The following C12orf56 variants were observed in gnomAD, a reference collection of about 807,000 sequenced individuals.
C12orf56 encodes the protein uncharacterized protein C12orf56.
A neutral mutation model predicts 69.9 loss-of-function variants in C12orf56; 71 were observed. The observed-to-expected ratio is 1.02, with a 90% CI of 0.84 to 1.24. C12orf56 has a LOEUF of 1.24. Ranked by LOEUF, C12orf56 falls within the 50% of genes most tolerant of loss-of-function variation. The pLI, the probability that C12orf56 is intolerant of heterozygous loss-of-function variation, is 0.00. For synonymous variants in C12orf56, 276 were observed against 274.1 expected (o/e 1.01, Z -0.07); for missense variants, 732 against 738.5 (o/e 0.99, Z 0.10).
chr12:64,312,653 C>T (rs1046880816), intron 5 of C12orf56, 26 bp downstream of exon 5: 8 of 1,496,524 alleles, frequency 5.3e-6, no homozygotes, highest in Non-Finnish European at 6.3e-6. Flanking sequence ...CCCCATGCAA[C>T]TCTATCATAC....
chr12:64,334,503 A>C (rs1422179245), intron 2 of C12orf56, among the ~76,000 whole-genome samples: 1 of 152,174 alleles, frequency 6.6e-6, no homozygotes, highest in Non-Finnish European at 1.5e-5. Flanking sequence ...ACTTTAAATA[A>C]TCTCTAGATT....
Position 64,307,657 on chromosome 12 carries a change from C to A in C12orf56, c.969-3878G>T, listed in dbSNP as rs995250134. Among the ~76,000 whole-genome samples, 3 of 152,196 alleles carry A rather than the reference C, an allele frequency of 2.0e-5. No homozygotes were observed. In the East Asian group the frequency reaches 5.8e-4, roughly 29 times the overall value. The stretch of plus-strand genomic sequence containing the variant: ...GTGCTGGGATTACAGGCGTGAGCCA[C>A]CTCGCCCGGCCAGACTCAGACCATT... On this transcript the variant is annotated intron_variant, in intron 5 of 12. Transcript: ENST00000543942.
At chr12:64,363,620 G>C (rs74614964) in intron 1 of C12orf56, among the ~76,000 whole-genome samples, 4,177 of 152,208 alleles carry the variant, frequency 0.027, 198 homozygotes, top group African/African-American at 0.096. Flanking sequence ...TCTCAATGCC[G>C]TGCCACCTAT....
At chr12:64,323,417 T>A (rs7303583) in intron 3 of C12orf56, among the ~76,000 whole-genome samples, 13 of 152,344 alleles carry the variant, frequency 8.5e-5, no homozygotes, top group African/African-American at 3.1e-4. Context: ...TTTCCATTTC[T>A]AAATATATCT....
intron 1 of C12orf56, among the ~76,000 whole-genome samples, chr12:64,375,310 C>T (rs1010929529): frequency 1.2e-4 from 18 of 151,884 alleles, no homozygotes; most frequent in African/African-American, 3.4e-4. Context: ...CTGCTTCTGC[C>T]TCCCAAAGTG....
intron 2 of C12orf56, among the ~76,000 whole-genome samples, chr12:64,336,087 G>A (rs781729630): frequency 6.6e-6 from 1 of 152,178 alleles, no homozygotes; most frequent in African/African-American, 2.4e-5. Flanking sequence ...TCTCTGAGGT[G>A]AACCACTGGG....
At chr12:64,286,430 G>A (rs2038202556) in intron 6 of C12orf56, among the ~76,000 whole-genome samples, 1 of 152,204 alleles carries the variant, frequency 6.6e-6, no homozygotes, top group African/African-American at 2.4e-5. Flanking sequence ...TGGCCTTTGT[G>A]AGGATATAAT....
chr12:64,369,385 A>G (rs1166316329), intron 1 of C12orf56, among the ~76,000 whole-genome samples: 2 of 152,050 alleles, frequency 1.3e-5, no homozygotes, highest in Non-Finnish European at 2.9e-5. Context: ...TTTAGTAGAG[A>G]CAGGGTTTCG....
intron 2 of C12orf56, among the ~76,000 whole-genome samples, chr12:64,342,557 G>A (rs893726860): frequency 1.3e-5 from 2 of 152,196 alleles, no homozygotes; most frequent in South Asian, 2.1e-4. Context: ...ACTTCCTCAT[G>A]TAACTTACTT....
chr12:64,320,220 G>C (rs2038753905), intron 3 of C12orf56, among the ~76,000 whole-genome samples: 1 of 152,188 alleles, frequency 6.6e-6, no homozygotes, highest in South Asian at 2.1e-4. Context: ...CATAGCCCAA[G>C]ATTCCATTCC....
chr12:64,366,062 CTTGTATAATATATAGT>C (rs1344507427), intron 1 of C12orf56, among the ~76,000 whole-genome samples: 11 of 80,386 alleles, frequency 1.4e-4, no homozygotes, highest in Admixed American at 1.6e-4. Context: ...TAATATATAG[CTTGTATAATATATAGT>C]TTGTATAATA....
intron 6 of C12orf56, among the ~76,000 whole-genome samples, chr12:64,297,586 A>G (rs1056296124): frequency 8.6e-5 from 13 of 152,012 alleles, no homozygotes; most frequent in African/African-American, 2.7e-4. Flanking sequence ...CCCTGTGTCC[A>G]TGTGTTCTCA....
intron 1 of C12orf56, among the ~76,000 whole-genome samples, chr12:64,354,039 T>G (rs2039271374): frequency 6.6e-6 from 1 of 152,196 alleles, no homozygotes; most frequent in Admixed American, 6.5e-5. Context: ...AATTAATTGA[T>G]TTTACACTAA....
intron 3 of C12orf56, among the ~76,000 whole-genome samples, chr12:64,327,761 A>G (rs1048592570): frequency 8.5e-5 from 13 of 152,364 alleles, no homozygotes; most frequent in Non-Finnish European, 1.6e-4. Context: ...AATAGAACAC[A>G]TTAGACAATT....
At chr12:64,368,402 A>C (rs1191892935) in intron 1 of C12orf56, among the ~76,000 whole-genome samples, 1 of 152,050 alleles carries the variant, frequency 6.6e-6, no homozygotes, top group African/African-American at 2.4e-5. Flanking sequence ...TTTCTCATGC[A>C]TTCTCATGAA....
chr12:64,287,317 G>A (rs987476470), intron 6 of C12orf56, among the ~76,000 whole-genome samples: 1 of 150,068 alleles, frequency 6.7e-6, no homozygotes, highest in South Asian at 2.1e-4. Context: ...CCCAGTGCCT[G>A]ATAAATTAGC....
At chr12:64,274,998 C>T (rs778197096) in intron 10 of C12orf56, 23 bp from the exon 11 acceptor site, 3 of 1,565,442 alleles carry the variant, frequency 1.9e-6, no homozygotes, top group Non-Finnish European at 2.6e-6. Flanking sequence ...AGGAAATAAA[C>T]AAGTTATATT....
In C12orf56 at chr12:64,266,659, TG is replaced by T; in HGVS notation, c.*523del. The T allele has an allele frequency of 1.1e-6, 1 of 884,518 alleles. No individual in the cohort carries two copies. The highest frequency in any genetic ancestry group is 1.5e-6 in the Non-Finnish European group (1 of 651,810). The allele number at this position is 884,518 out of a possible 1,614,324, so 54.8% of individuals were successfully genotyped here. On this transcript the variant is annotated 3_prime_UTR_variant, in exon 13 of 13. Coordinates refer to ENST00000543942, the MANE Select transcript of C12orf56 (RefSeq NM_001170633.2). ...CGGGTGAAGAGCATGCTCCTGTGCC[TG>T]GCATGGTTTCACCGAGAACACTGTG... is the stretch of plus-strand genomic sequence containing the variant.
chr12:64,282,805 C>T (rs1467163595), intron 8 of C12orf56, among the ~76,000 whole-genome samples: 2 of 151,078 alleles, frequency 1.3e-5, no homozygotes, highest in East Asian at 3.9e-4. Flanking sequence ...ATAGTATGCC[C>T]ATAGTCCCTG....
Sources: allele counts gnomAD v4.1 joint callset (sites outside exome capture counted in the v4.1 genomes callset), GRCh38; gene constraint gnomAD v4.1.1; transcripts MANE v1.5; gene names NCBI Gene and HGNC (gene_info 2026-07-23, HGNC 2026-07-21).